The following ROCK2 variants were observed in gnomAD, a reference collection of about 807,000 sequenced individuals.
ROCK2 encodes the protein rho-associated protein kinase 2.
A neutral mutation model predicts 195.1 loss-of-function variants in ROCK2; 61 were observed. That is an observed-to-expected ratio of 0.31 (90% CI 0.25 to 0.39). The LOEUF (loss-of-function observed/expected upper bound fraction) is 0.39. ROCK2 is among the 10% of genes least tolerant of loss of function. The pLI is 1.00. For missense variants in ROCK2, 1,109 were observed against 1,637.4 expected (o/e 0.68, Z 5.57); for synonymous variants, 504 against 545.5 (o/e 0.92, Z 1.06).
chr2:11,317,602 A>ATT lies in ROCK2; in HGVS notation c.141+26393_141+26394insAA, dbSNP rs1260148475. 3.9e-3 allele frequency among the ~76,000 whole-genome samples: 64 copies of ATT among 16,482 alleles called. 1 individual carries two copies. Among genetic ancestry groups the ATT allele is most frequent in the Middle Eastern group, 0.019 (1 of 52 alleles). The allele number at this position is 16,482 out of a possible 152,430, so 10.8% of individuals were successfully genotyped here. ...TATATATATATATATATATATATAT[A>ATT]TATATATATATTTTTTTTTTTTTTT... On this transcript the variant is annotated intron_variant, in intron 1 of 32. Coordinates refer to ENST00000315872, the MANE Select transcript of ROCK2 (RefSeq NM_004850.5).
At chr2:11,300,799 T>C (rs1013521842) in intron 1 of ROCK2, among the ~76,000 whole-genome samples, 3 of 152,038 alleles carry the variant, frequency 2.0e-5, no homozygotes, top group African/African-American at 7.2e-5. Context: ...ACCCAAGAAG[T>C]CTCCTAAGTT....
At chr2:11,242,393 G>T (rs1004388115) in intron 4 of ROCK2, among the ~76,000 whole-genome samples, 1 of 152,028 alleles carries the variant, frequency 6.6e-6, no homozygotes, top group African/African-American at 2.4e-5. Flanking sequence ...CGCACAGAGG[G>T]TATCAGAGCT....
chr2:11,256,793 G>A (rs940334492), intron 3 of ROCK2, among the ~76,000 whole-genome samples: 1 of 151,280 alleles, frequency 6.6e-6, no homozygotes, highest in Non-Finnish European at 1.5e-5. Flanking sequence ...TTCTAATTAC[G>A]TATGCATCTT....
chr2:11,183,488 AAG>A (rs907405009), intron 32 of ROCK2, 48 bp from the exon 33 acceptor site: 11 of 1,390,146 alleles, frequency 7.9e-6, no homozygotes, highest in East Asian at 2.3e-5. Flanking sequence ...GAAATAATTT[AAG>A]AGTGTTAAAT....
chr2:11,261,133 C>T (rs1261746296), intron 3 of ROCK2, among the ~76,000 whole-genome samples: 1 of 152,172 alleles, frequency 6.6e-6, no homozygotes, highest in Non-Finnish European at 1.5e-5. Context: ...CTGAATTTCA[C>T]TTAAACTGCT....
intron 3 of ROCK2, among the ~76,000 whole-genome samples, chr2:11,285,929 T>C (rs973326827): frequency 2.0e-5 from 3 of 152,056 alleles, no homozygotes; most frequent in Middle Eastern, 3.2e-3. Context: ...TGGCTTATAA[T>C]GATCACTACT....
intron 20 of ROCK2, among the ~76,000 whole-genome samples, chr2:11,203,441 TC>T (rs1382522953): frequency 6.6e-6 from 1 of 151,984 alleles, no homozygotes; most frequent in Non-Finnish European, 1.5e-5. Context: ...GAGGAAAATG[TC>T]TGCATTCATG....
At chr2:11,249,394 T>C (rs920110969) in intron 4 of ROCK2, among the ~76,000 whole-genome samples, 1 of 152,232 alleles carries the variant, frequency 6.6e-6, no homozygotes, top group African/African-American at 2.4e-5. Flanking sequence ...AATGGCATAC[T>C]GGTATTCAAG....
intron 16 of ROCK2, 109 bp downstream of exon 16, chr2:11,214,731 A>G (rs1445794996): frequency 2.0e-6 from 2 of 1,000,966 alleles, no homozygotes; most frequent in African/African-American, 1.6e-5. Context: ...CTAACTTTAC[A>G]TAATAGTATA....
intron 23 of ROCK2, among the ~76,000 whole-genome samples, 174 bp from the exon 24 acceptor site, chr2:11,198,948 A>G (rs1196555138): frequency 6.8e-6 from 1 of 146,588 alleles, no homozygotes; most frequent in Non-Finnish European, 1.5e-5. Context: ...TCTGTCAACC[A>G]GGAGTGCAGT....
chr2:11,184,433 C>T (rs182450112), intron 32 of ROCK2, among the ~76,000 whole-genome samples: 1 of 152,254 alleles, frequency 6.6e-6, no homozygotes, highest in Admixed American at 6.5e-5. Context: ...CATCTCATTC[C>T]TAAGATAAAT....
intron 3 of ROCK2, among the ~76,000 whole-genome samples, chr2:11,280,462 GAA>G (rs767122690): frequency 2.2e-5 from 2 of 92,500 alleles, no homozygotes; most frequent in Non-Finnish European, 2.3e-5. Flanking sequence ...CATCTCTACA[GAA>G]AAAAAAAAAA....
chr2:11,315,371 T>C (rs959262495), intron 1 of ROCK2, among the ~76,000 whole-genome samples: 6 of 152,026 alleles, frequency 3.9e-5, no homozygotes, highest in African/African-American at 1.4e-4. Context: ...ATATAGAAAC[T>C]CTTATGCTAC....
Position 11,192,048 on chromosome 2 carries a change from A to G in ROCK2, c.4163+100T>C. 1 of 821,162 alleles carries G rather than the reference A, an allele frequency of 1.2e-6. No homozygotes were observed. The highest frequency in any genetic ancestry group is 1.9e-6 in the Non-Finnish European group (1 of 521,060). 50.9% of individuals were successfully genotyped at this position (821,162 alleles called of 1,614,324 possible). A position where few individuals can be genotyped will look rare whatever the true frequency, so the allele number is the denominator to read the frequency against. ...TATTCCATAGTTAACTAAAATACAA[A>G]GCAAAGGAAAACTAATTAGGAAAAT... On this transcript the variant is annotated intron_variant, in intron 32 of 32. Transcript: ENST00000315872. The surrounding 1 kb of genome is among the most constrained non-coding windows in gnomAD (Gnocchi z 5.0).
At chr2:11,334,441 G>A (rs1668859944) in intron 1 of ROCK2, among the ~76,000 whole-genome samples, 1 of 148,976 alleles carries the variant, frequency 6.7e-6, no homozygotes, top group Admixed American at 6.8e-5. Context: ...AACCCGGGAG[G>A]CAGAGATTGC....
intron 1 of ROCK2, among the ~76,000 whole-genome samples, chr2:11,342,779 A>C (rs539504373): frequency 1.3e-5 from 2 of 152,238 alleles, no homozygotes; most frequent in Non-Finnish European, 2.9e-5. Context: ...AACACATGTG[A>C]CACAATATAG....
At chr2:11,344,869 AC>A (rs1187565973), upstream of ROCK2, among the ~76,000 whole-genome samples, 1 of 150,182 alleles carries the variant, frequency 6.7e-6, no homozygotes, top group African/African-American at 2.4e-5. The surrounding 1 kb of genome is among the most constrained non-coding windows in gnomAD (Gnocchi z 5.4). Context: ...GCGCGCGGTC[AC>A]GGCCGAGCTC....
At chr2:11,258,720 G>C (rs1173685029) in intron 3 of ROCK2, among the ~76,000 whole-genome samples, 1 of 151,140 alleles carries the variant, frequency 6.6e-6, no homozygotes, top group African/African-American at 2.5e-5. Flanking sequence ...ACGGGTTAAG[G>C]AGTTAGGGTG....
In ROCK2 at chr2:11,235,464, T is replaced by A. The variant is rs1355082321; in HGVS notation, c.723+238A>T. On this transcript the variant is annotated intron_variant, in intron 5 of 32. Coordinates refer to ENST00000315872, the MANE Select transcript of ROCK2 (RefSeq NM_004850.5). The surrounding 1 kb of genome is among the most constrained non-coding windows in gnomAD (Gnocchi z 4.2). ...GCTTGTCAACAGTCTATGAGGAAGA[T>A]AACTAAGCTAAGTTTTTATTTCTCT... 2.0e-5 allele frequency among the ~76,000 whole-genome samples: 3 copies of A among 152,176 alleles called. No homozygotes were observed. The highest frequency in any genetic ancestry group is 4.8e-5 in the African/African-American group (2 of 41,436).
Sources: gnomAD v4.1 joint callset for allele counts (sites outside exome capture counted in the v4.1 genomes callset) on GRCh38, gnomAD v4.1.1 for gene constraint, Gnocchi (gnomAD v3.1) non-coding constraint, MANE v1.5 for transcripts, NCBI Gene and HGNC (gene_info 2026-07-23, HGNC 2026-07-21) for gene names.